The following CUX1 variants were observed in gnomAD, a reference collection of about 807,000 sequenced individuals.
CUX1 encodes the protein cut like homeobox 1.
A neutral mutation model predicts 158.8 loss-of-function variants in CUX1; 31 were observed. The ratio of observed to expected loss-of-function variants is 0.20; its 90% CI spans 0.15 to 0.26. CUX1 has a LOEUF of 0.26. Among genes scored for constraint, CUX1 ranks in the 10% least tolerant of loss-of-function variants. The pLI is 1.00. For synonymous variants in CUX1, 879 were observed against 862.1 expected (o/e 1.02, Z -0.34); for missense variants, 1,589 against 2,014.6 (o/e 0.79, Z 4.04).
chr7:101,918,120 C>T (rs1367884295), intron 2 of CUX1, among the ~76,000 whole-genome samples: 1 of 152,196 alleles, frequency 6.6e-6, no homozygotes, highest in Non-Finnish European at 1.5e-5. Context: ...GAATGAGGTT[C>T]CTAAGAGGCC....
chr7:102,032,007 C>T (rs1820844036), intron 3 of CUX1, among the ~76,000 whole-genome samples: 1 of 151,342 alleles, frequency 6.6e-6, no homozygotes, highest in Non-Finnish European at 1.5e-5. Flanking sequence ...CTCACTGCAA[C>T]CTCTGCCTCC....
intron 8 of CUX1, among the ~76,000 whole-genome samples, chr7:102,129,844 C>T (rs1554496611): frequency 1.3e-5 from 2 of 152,150 alleles, no homozygotes; most frequent in Non-Finnish European, 1.5e-5. Flanking sequence ...GATCTGGTTC[C>T]ATCTGACTTG....
rs553686669 is a variant in CUX1, at chr7:102,037,415, C to T, written c.189+9270C>T. 1.5e-4 allele frequency among the ~76,000 whole-genome samples: 22 copies of T among 147,844 alleles called. 1 individual carries two copies. The South Asian group carries it at 4.7e-3, about 32-fold the overall frequency. ...TTGCCCAGGCTGGAATGCAATGGCA[C>T]GATCTTGGCTCACCACAACCTCTGC... On this transcript the variant is annotated intron_variant, in intron 3 of 23. Transcript: ENST00000292535.
At chr7:101,979,623 C>A (rs1232408222) in intron 2 of CUX1, among the ~76,000 whole-genome samples, 1 of 152,046 alleles carries the variant, frequency 6.6e-6, no homozygotes, top group Non-Finnish European at 1.5e-5. Context: ...GACAGCTCCC[C>A]CTTGGCAGGG....
At chr7:102,138,737 A>G (rs1472110764) in intron 8 of CUX1, among the ~76,000 whole-genome samples, 2 of 152,128 alleles carry the variant, frequency 1.3e-5, no homozygotes, top group Non-Finnish European at 2.9e-5. Flanking sequence ...ATTTTCAACG[A>G]TCGTCTACTC....
At chr7:102,233,908 C>A in intron 21 of CUX1, 144 bp from the exon 22 acceptor site, 1 of 490,268 alleles carries the variant, frequency 2.0e-6, no homozygotes, top group Non-Finnish European at 3.4e-6. Context: ...ATTTCTACCA[C>A]ATGTTTGCTG....
At chr7:101,941,101 G>A (rs956288801) in intron 2 of CUX1, among the ~76,000 whole-genome samples, 3 of 152,206 alleles carry the variant, frequency 2.0e-5, no homozygotes, top group East Asian at 1.9e-4. Flanking sequence ...GCATGTTGTC[G>A]CCAATCTGAG....
chr7:101,871,449 T>TG (rs1798523056), intron 1 of CUX1, among the ~76,000 whole-genome samples: 1 of 152,002 alleles, frequency 6.6e-6, no homozygotes, highest in Admixed American at 6.6e-5. Flanking sequence ...GAATGGCCAC[T>TG]GGAGAGCCAC....
intron 3 of CUX1, among the ~76,000 whole-genome samples, chr7:102,065,280 A>G (rs1175786770): frequency 6.6e-6 from 1 of 151,816 alleles, no homozygotes; most frequent in African/African-American, 2.4e-5. Flanking sequence ...GGGTCTCACT[A>G]TGCTGCCCAA....
chr7:102,111,145 T>C (rs1554489931), intron 6 of CUX1, among the ~76,000 whole-genome samples: 1 of 152,160 alleles, frequency 6.6e-6, no homozygotes, highest in African/African-American at 2.4e-5. Context: ...TGCTATTTAT[T>C]GACCAGGGAA....
intron 3 of CUX1, among the ~76,000 whole-genome samples, chr7:102,048,865 G>A (rs1249520391): frequency 6.6e-6 from 1 of 151,870 alleles, no homozygotes; most frequent in Admixed American, 6.6e-5. Flanking sequence ...ACATAAAATC[G>A]TTAATGTTGA....
intron 1 of CUX1, among the ~76,000 whole-genome samples, chr7:101,875,715 C>T (rs1433673185): frequency 6.6e-6 from 1 of 152,238 alleles, no homozygotes; most frequent in Non-Finnish European, 1.5e-5. Context: ...GTGCGCCGCT[C>T]TCTGCCCCTT....
At chr7:101,980,174 C>T (rs189462473) in intron 2 of CUX1, among the ~76,000 whole-genome samples, 52 of 152,212 alleles carry the variant, frequency 3.4e-4, no homozygotes, top group African/African-American at 1.3e-3. Flanking sequence ...ACAGAGGGTC[C>T]CCAGGGCAGT....
chr7:102,278,776 C>T lies in CUX1; in HGVS notation c.1680+711C>T, dbSNP rs900471603. Among the ~76,000 whole-genome samples the T allele has an allele frequency of 2.6e-5, 4 of 151,560 alleles. No homozygotes were observed. In the East Asian group the frequency reaches 7.7e-4, roughly 29 times the overall value. On this transcript the variant is annotated intron_variant, in intron 18 of 22. Transcript: ENST00000292538. Reference sequence around the variant, plus strand: ...GAAAAGAAAATACTAGCCAGAAGGGCCAGGCACAGTGGCTCATGCCTGTAA... The same window carrying T: ...GAAAAGAAAATACTAGCCAGAAGGGTCAGGCACAGTGGCTCATGCCTGTAA...
intron 3 of CUX1, among the ~76,000 whole-genome samples, chr7:102,028,421 G>T (rs1455052004): frequency 6.6e-6 from 1 of 152,188 alleles, no homozygotes; most frequent in African/African-American, 2.4e-5. Context: ...CAACAGGCAG[G>T]TTGTTGGCGC....
chr7:102,156,240 A>G (rs1221058345), intron 8 of CUX1, among the ~76,000 whole-genome samples: 7 of 152,166 alleles, frequency 4.6e-5, no homozygotes, highest in Admixed American at 1.3e-4. Context: ...TTGCTGCAAC[A>G]GAACACCTGA....
intron 23 of CUX1, among the ~76,000 whole-genome samples, chr7:102,247,789 C>G (rs1554537452): frequency 6.6e-6 from 1 of 152,180 alleles, no homozygotes; most frequent in African/African-American, 2.4e-5. Context: ...CCACTGCACT[C>G]CAGTCTGGGT....
At chr7:102,143,824 C>T (rs1834729919) in intron 8 of CUX1, among the ~76,000 whole-genome samples, 1 of 151,832 alleles carries the variant, frequency 6.6e-6, no homozygotes, top group Non-Finnish European at 1.5e-5. Context: ...TCTGTCTCAC[C>T]AAGACTGGAG....
intron 1 of CUX1, among the ~76,000 whole-genome samples, chr7:101,836,785 C>T (rs2970465): frequency 0.16 from 24,853 of 151,552 alleles, 2,162 homozygotes; most frequent in Non-Finnish European, 0.18. Flanking sequence ...TGCCCGTTGT[C>T]TGCCTGGAGA....
Sources: gnomAD v4.1 joint callset for allele counts (sites outside exome capture counted in the v4.1 genomes callset) on GRCh38, gnomAD v4.1.1 for gene constraint, MANE v1.5 for transcripts, NCBI Gene and HGNC (gene_info 2026-07-23, HGNC 2026-07-21) for gene names.